CELF2: variants seen among roughly 807,000 people sequenced by gnomAD.
CELF2 encodes the protein CUG triplet repeat RNA-binding protein 2.
A neutral mutation model predicts 62.6 loss-of-function variants in CELF2; 8 were observed. The observed-to-expected ratio is 0.13, with a 90% CI of 0.07 to 0.23. The LOEUF is 0.23. CELF2 is among the 10% of genes least tolerant of loss of function. CELF2 has a pLI of 1.00. For synonymous variants in CELF2, 258 were observed against 250.0 expected (o/e 1.03, Z -0.30); for missense variants, 333 against 671.0 (o/e 0.50, Z 5.56).
At chr10:11,000,948 C>T (rs2054458935), upstream of CELF2, among the ~76,000 whole-genome samples, 1 of 152,182 alleles carries the variant, frequency 6.6e-6, no homozygotes, top group Admixed American at 6.5e-5. Flanking sequence ...CTGTTGCACC[C>T]ATAGAGAAAG....
In CELF2 at chr10:11,165,815, C is replaced by T; in HGVS notation, c.271+133C>T. ...CTGGAAGCAGCCGGTGCTGGCGGCC[C>T]CTGTGCTCCAGGGGCTGCTCCCGAC... On this transcript the variant is annotated intron_variant, in intron 2 of 12. Coordinates refer to ENST00000633077, the MANE Select transcript of CELF2 (RefSeq NM_001326342.2). The surrounding 1 kb of genome is among the most constrained non-coding windows in gnomAD (Gnocchi z 7.4). 1.2e-6 allele frequency: 1 copy of T among 844,878 alleles called. No individual in the cohort carries two copies. Among genetic ancestry groups the T allele is most frequent in the East Asian group, 2.7e-5 (1 of 36,398 alleles). The allele number at this position is 844,878 out of a possible 1,614,324, so 52.3% of individuals were successfully genotyped here. A position where few individuals can be genotyped will look rare whatever the true frequency, so the allele number is the denominator to read the frequency against.
At position 11,300,573 on chromosome 10, in the gene CELF2, G is replaced by A. The variant is rs181329471; in HGVS notation, c.976+12021G>A. Reference sequence around the variant, plus strand: ...GCCCCTCCCTGCCCAAACTATCTTCGAGGGACTAAATTAAAATGAAAGGTG... The same window carrying A: ...GCCCCTCCCTGCCCAAACTATCTTCAAGGGACTAAATTAAAATGAAAGGTG... On this transcript the variant is annotated intron_variant, in intron 9 of 12. Coordinates refer to ENST00000633077, the MANE Select transcript of CELF2 (RefSeq NM_001326342.2). The surrounding 1 kb of genome is among the most constrained non-coding windows in gnomAD (Gnocchi z 5.5). 2.4e-3 allele frequency among the ~76,000 whole-genome samples: 372 copies of A among 151,996 alleles called. 7 individuals carry two copies. The highest frequency in any genetic ancestry group is 1.0e-3 in the Non-Finnish European group (71 of 67,986).
At chr10:11,005,262 G>T, upstream of CELF2, 2 of 1,240,046 alleles carry the variant, frequency 1.6e-6, no homozygotes, top group Non-Finnish European at 2.2e-6. This position sits in a 1 kb window ranked among gnomAD's most constrained non-coding sequence, Gnocchi z 4.3. Context: ...GAGGGAGAGA[G>T]AGAGAGAGAG....
At chr10:10,870,369 C>G (rs2060661576) in intron 1 of CELF2, among the ~76,000 whole-genome samples, 1 of 151,918 alleles carries the variant, frequency 6.6e-6, no homozygotes, top group Non-Finnish European at 1.5e-5. Context: ...ATAATTATAC[C>G]TTAGTTTTAT....
the CELF2 span, among the ~76,000 whole-genome samples, chr10:10,591,449 T>A: frequency 2.0e-5 from 3 of 152,196 alleles, no homozygotes; most frequent in South Asian, 6.2e-4. Context: ...TATACATACA[T>A]ATAGATGTAT....
the CELF2 span, among the ~76,000 whole-genome samples, chr10:10,554,617 G>C: frequency 6.6e-6 from 1 of 152,162 alleles, no homozygotes; most frequent in Non-Finnish European, 1.5e-5. Flanking sequence ...TCCCTGTGGT[G>C]ACCCTGGCTG....
rs577569874 is a variant in CELF2, at chr10:11,260,559, C to G, written c.538+2687C>G. 6.6e-6 allele frequency among the ~76,000 whole-genome samples: 1 copy of G among 152,128 alleles called. No homozygotes were observed. The highest frequency in any genetic ancestry group is 1.5e-5 in the Non-Finnish European group (1 of 68,024). On this transcript the variant is annotated intron_variant, in intron 5 of 12. Transcript: ENST00000633077. This position sits in a 1 kb window ranked among gnomAD's most constrained non-coding sequence, Gnocchi z 4.2. ...CACTTGACACCAGAAGCAGCCTGTT[C>G]CTGCAACAAGTGATGGGGAGCAGTC...
At chr10:11,112,316 G>A (rs1358579684) in intron 1 of CELF2, among the ~76,000 whole-genome samples, 3 of 152,194 alleles carry the variant, frequency 2.0e-5, no homozygotes, top group Admixed American at 6.5e-5. Context: ...CATCAAGATC[G>A]CATTCGCTAG....
At chr10:10,725,175 A>G in the CELF2 span, among the ~76,000 whole-genome samples, 1 of 152,188 alleles carries the variant, frequency 6.6e-6, no homozygotes, top group Non-Finnish European at 1.5e-5. Context: ...TTACTGACAA[A>G]TCAATTTTTT....
At chr10:11,107,432 C>T (rs1024536026) in intron 1 of CELF2, among the ~76,000 whole-genome samples, 4 of 152,082 alleles carry the variant, frequency 2.6e-5, no homozygotes, top group East Asian at 3.9e-4. Context: ...TTTTGGAGTG[C>T]GGTCTGTAGA....
At chr10:11,183,285 C>T (rs1002715853) in intron 2 of CELF2, among the ~76,000 whole-genome samples, 2 of 152,196 alleles carry the variant, frequency 1.3e-5, no homozygotes, top group African/African-American at 4.8e-5. Context: ...CTCATTGATT[C>T]CTTTTGATTG....
rs538485943 is a variant in CELF2, at chr10:10,864,291, C to G, written c.54-55673C>G. Among the ~76,000 whole-genome samples, 7 of 151,892 alleles carry G rather than the reference C, an allele frequency of 4.6e-5. No homozygotes were observed. The East Asian group carries it at 5.8e-4, about 13-fold the overall frequency. On this transcript the variant is annotated intron_variant, in intron 1 of 13. Coordinates refer to the CELF2 transcript ENST00000636488. ...TTAAATCTCAGAAAGAAAACTACAT[C>G]ATTTCTCCAGTGCATTCCATTAGCA...
chr10:11,017,027 AC>A (rs1433710694), upstream of CELF2, among the ~76,000 whole-genome samples: 1 of 152,262 alleles, frequency 6.6e-6, no homozygotes, highest in Non-Finnish European at 1.5e-5. The surrounding 1 kb of genome is among the most constrained non-coding windows in gnomAD (Gnocchi z 5.5). Context: ...AACAGTGAGA[AC>A]GATCAATTAG....
At chr10:11,094,879 C>T (rs1295439559) in intron 1 of CELF2, among the ~76,000 whole-genome samples, 2 of 152,212 alleles carry the variant, frequency 1.3e-5, no homozygotes, top group East Asian at 3.8e-4. Context: ...TTGAAGGATA[C>T]ACTGCACTTG....
chr10:11,291,469 G>C (rs2092515880), intron 9 of CELF2, among the ~76,000 whole-genome samples: 1 of 152,070 alleles, frequency 6.6e-6, no homozygotes, highest in Admixed American at 6.5e-5. Flanking sequence ...AATTAAAATA[G>C]TTTAAATTGC....
In CELF2 at chr10:11,329,526, C is replaced by G. The variant is rs747988467; in HGVS notation, c.*473C>G. The G allele has an allele frequency of 6.6e-6, 1 of 152,660 alleles. No individual in the cohort carries two copies. The highest frequency in any genetic ancestry group is 1.5e-5 in the Non-Finnish European group (1 of 68,082). The allele number at this position is 152,660 out of a possible 1,614,324, so 9.5% of individuals were successfully genotyped here. ...GGCGCCCGCCCCCGGAGGGAGGGCC[C>G]GGTGCTTAGAGGTTAACTTGGTGGC... On this transcript the variant is annotated 3_prime_UTR_variant, in exon 13 of 13. Coordinates refer to ENST00000633077, the MANE Select transcript of CELF2 (RefSeq NM_001326342.2). The surrounding 1 kb of genome is among the most constrained non-coding windows in gnomAD (Gnocchi z 5.5).
At chr10:10,483,106 C>A in the CELF2 span, among the ~76,000 whole-genome samples, 4 of 151,446 alleles carry the variant, frequency 2.6e-5, no homozygotes, top group Non-Finnish European at 4.4e-5. Flanking sequence ...CTTTTCTCAA[C>A]GGCTTTTGCT....
At chr10:10,706,220 A>G in the CELF2 span, among the ~76,000 whole-genome samples, 12 of 152,158 alleles carry the variant, frequency 7.9e-5, no homozygotes, top group Admixed American at 2.0e-4. Flanking sequence ...TACTTTTCTC[A>G]GTAGTACTTG....
intron 1 of CELF2, among the ~76,000 whole-genome samples, chr10:11,052,499 C>T (rs2064148558): frequency 6.6e-6 from 1 of 152,090 alleles, no homozygotes; most frequent in Non-Finnish European, 1.5e-5. Flanking sequence ...TTGCACGGTC[C>T]TTGGGTGATG....
Sources: allele counts gnomAD v4.1 joint callset (sites outside exome capture counted in the v4.1 genomes callset), GRCh38; gene constraint gnomAD v4.1.1; non-coding constraint Gnocchi (gnomAD v3.1); transcripts MANE v1.5; gene names NCBI Gene and HGNC (gene_info 2026-07-23, HGNC 2026-07-21).